The following DOCK11 variants were observed in gnomAD, a reference collection of about 807,000 sequenced individuals.
DOCK11 encodes dedicator of cytokinesis protein 11.
In DOCK11, 70 loss-of-function variants were observed where a neutral mutation model predicts 169.1. The observed-to-expected ratio is 0.41, with a 90% CI of 0.34 to 0.51. The LOEUF is 0.51. Among genes scored for constraint, DOCK11 ranks in the 20% least tolerant of loss-of-function variants. DOCK11 has a pLI of 0.10. For synonymous variants in DOCK11, 529 were observed against 541.3 expected, an observed-to-expected ratio of 0.98 and a Z score of 0.32; for missense variants, 1,166 against 1,538.8, an observed-to-expected ratio of 0.76 and a Z score of 4.05.
chrX:118,572,115 A>G (rs770819108), intron 10 of DOCK11, among the ~76,000 whole-genome samples: 1 of 112,083 alleles, frequency 8.9e-6, no homozygotes. Flanking sequence ...CTTAGATCCG[A>G]GTTTCATCAT....
chrX:118,575,634 C>G (rs1020085130), intron 12 of DOCK11, among the ~76,000 whole-genome samples: 3 of 112,053 alleles, frequency 2.7e-5, no homozygotes, highest in African/African-American at 9.7e-5. Context: ...CCCCTGATAG[C>G]CCCTTAGCTT....
chrX:118,636,624 CTAA>C (rs1470977808), intron 36 of DOCK11, among the ~76,000 whole-genome samples: 1 of 112,193 alleles, frequency 8.9e-6, no homozygotes, highest in Non-Finnish European at 1.9e-5. Context: ...GAAACTCTAG[CTAA>C]TAATAAACCA....
intron 1 of DOCK11, among the ~76,000 whole-genome samples, chrX:118,517,579 ATG>A (rs950640922): frequency 1.8e-5 from 2 of 110,615 alleles, no homozygotes; most frequent in African/African-American, 6.6e-5. Flanking sequence ...TGTGACACGC[ATG>A]TGTGTGCACA....
chrX:118,610,126 A>G, intron 27 of DOCK11, 146 bp from the exon 28 acceptor site: 1 of 543,356 alleles, frequency 1.8e-6, no homozygotes, highest in African/African-American at 2.3e-5. Context: ...TACATCTTGA[A>G]CTAGTGATGT....
chrX:118,641,688 G>T (rs2015537621), intron 39 of DOCK11, among the ~76,000 whole-genome samples: 1 of 111,589 alleles, frequency 9.0e-6, no homozygotes, highest in Non-Finnish European at 1.9e-5. Context: ...CGGGCAGTCT[G>T]GCTGGCTTCC....
At chrX:118,509,535 AT>A (rs2057636558) in intron 1 of DOCK11, among the ~76,000 whole-genome samples, 1 of 111,660 alleles carries the variant, frequency 9.0e-6, no homozygotes, top group Non-Finnish European at 1.9e-5. Context: ...AAGTGCTCGG[AT>A]TATAGGCGTG....
intron 1 of DOCK11, among the ~76,000 whole-genome samples, chrX:118,500,119 G>C (rs2057564892): frequency 9.3e-6 from 1 of 107,943 alleles, no homozygotes; most frequent in Non-Finnish European, 1.9e-5. Context: ...CGGGATCTCG[G>C]CTCACTGCAA....
At chrX:118,577,136 A>T (rs1312430745) in intron 12 of DOCK11, among the ~76,000 whole-genome samples, 1 of 112,731 alleles carries the variant, frequency 8.9e-6, no homozygotes, top group African/African-American at 3.2e-5. Flanking sequence ...CAGGGTTTTT[A>T]TGAAGACTGA....
intron 1 of DOCK11, among the ~76,000 whole-genome samples, chrX:118,532,780 C>CA (rs140455489): frequency 0.019 from 894 of 46,630 alleles, 30 homozygotes; most frequent in East Asian, 0.1. Context: ...GACTCTGTCT[C>CA]AAAAAAAAAA....
At chrX:118,625,189 C>G (rs186466056) in intron 32 of DOCK11, among the ~76,000 whole-genome samples, 3 of 108,741 alleles carry the variant, frequency 2.8e-5, no homozygotes, top group Non-Finnish European at 5.7e-5. Context: ...GAGTCTCGCT[C>G]TGTCGCCCAG....
intron 6 of DOCK11, among the ~76,000 whole-genome samples, chrX:118,551,947 A>T (rs1365704570): frequency 9.4e-6 from 1 of 106,012 alleles, no homozygotes; most frequent in East Asian, 3.1e-4. Flanking sequence ...CTTAAGTGGG[A>T]GGATCACCTG....
intron 6 of DOCK11, among the ~76,000 whole-genome samples, chrX:118,554,474 C>T (rs758241015): frequency 1.8e-5 from 2 of 111,169 alleles, no homozygotes; most frequent in Non-Finnish European, 3.8e-5. Context: ...CTCTCGAACC[C>T]GAGAGGCAGA....
intron 12 of DOCK11, among the ~76,000 whole-genome samples, chrX:118,575,729 G>T (rs1178837711): frequency 8.9e-6 from 1 of 112,333 alleles, no homozygotes; most frequent in Non-Finnish European, 1.9e-5. Flanking sequence ...CAAGTAAAGT[G>T]TTGTAAATAT....
chrX:118,599,113 T>TA (rs777569461), intron 22 of DOCK11, 26 bp from the exon 23 acceptor site: 2 of 1,157,131 alleles, frequency 1.7e-6, no homozygotes, highest in African/African-American at 3.6e-5. Context: ...TCAAATTTCA[T>TA]ATGGCTGTTT....
At chrX:118,542,644 G>C in intron 1 of DOCK11, 81 bp from the exon 2 acceptor site, 1 of 688,096 alleles carries the variant, frequency 1.5e-6, no homozygotes, top group Non-Finnish European at 2.3e-6. Flanking sequence ...CCTTTGAGAA[G>C]TAATGTATCT....
chrX:118,672,889 G>GT (rs1329646179), intron 46 of DOCK11, among the ~76,000 whole-genome samples: 1 of 111,895 alleles, frequency 8.9e-6, no homozygotes, highest in African/African-American at 3.2e-5. Context: ...CAGATTCTAG[G>GT]TCTTCCTCTC....
chrX:118,615,573 G>A, intron 29 of DOCK11, 27 bp from the exon 30 acceptor site: 3 of 1,107,140 alleles, frequency 2.7e-6, no homozygotes, highest in Admixed American at 4.5e-5. Flanking sequence ...CTAAATATGA[G>A]CTAATGTATC....
intron 44 of DOCK11, among the ~76,000 whole-genome samples, chrX:118,661,569 AG>A (rs2016215159): frequency 8.9e-6 from 1 of 112,178 alleles, no homozygotes; most frequent in Admixed American, 9.5e-5. Flanking sequence ...GTTAGGTTGT[AG>A]AACAGTAGAT....
chrX:118,511,591 C>T (rs1009160775), intron 1 of DOCK11, among the ~76,000 whole-genome samples: 4 of 111,723 alleles, frequency 3.6e-5, no homozygotes, highest in Non-Finnish European at 7.5e-5. Flanking sequence ...TGGAGTTTCT[C>T]CTTTTCTCTA....
Sources: gnomAD v4.1 joint callset for allele counts (sites outside exome capture counted in the v4.1 genomes callset) on GRCh38, gnomAD v4.1.1 for gene constraint, MANE v1.5 for transcripts, NCBI Gene and HGNC (gene_info 2026-07-23, HGNC 2026-07-21) for gene names.